The following EPC2 variants were observed in gnomAD, a reference collection of about 807,000 sequenced individuals.
The protein encoded by EPC2 is enhancer of polycomb homolog 2.
A neutral mutation model predicts 92.1 loss-of-function variants in EPC2; 14 were observed. The ratio of observed to expected loss-of-function variants is 0.15; its 90% CI spans 0.10 to 0.24. The LOEUF (loss-of-function observed/expected upper bound fraction) is 0.24. Ranked by LOEUF, EPC2 falls within the 10% of genes least tolerant of loss-of-function variation. The pLI, the probability that EPC2 is intolerant of heterozygous loss-of-function variation, is 1.00. For synonymous variants in EPC2, 340 were observed against 334.7 expected (o/e 1.02, Z -0.17); for missense variants, 755 against 971.5 (o/e 0.78, Z 2.96).
intron 1 of EPC2, 36 bp downstream of exon 1, chr2:148,645,206 C>CCTCCCCCCTCCCCTT: frequency 1.4e-6 from 2 of 1,476,038 alleles, no homozygotes; most frequent in Non-Finnish European, 1.8e-6. Flanking sequence ...CCCCTTCCCT[C>CCTCCCCCCTCCCCTT]CTCCCCCCTC....
chr2:148,691,706 C>G, intron 2 of EPC2: 2 of 1,270,516 alleles, frequency 1.6e-6, no homozygotes, highest in South Asian at 1.3e-5. Context: ...ACAGTATTAG[C>G]TTTAATTTAG....
At chr2:148,717,179 T>A (rs1345811269) in intron 2 of EPC2, among the ~76,000 whole-genome samples, 1 of 148,592 alleles carries the variant, frequency 6.7e-6, no homozygotes, top group East Asian at 2.0e-4. Flanking sequence ...AAAAAACAAC[T>A]CCTGGATTCA....
chr2:148,686,712 G>A (rs139315759), intron 1 of EPC2, among the ~76,000 whole-genome samples: 95 of 152,276 alleles, frequency 6.2e-4, no homozygotes, highest in Non-Finnish European at 9.9e-4. Context: ...CTTGTTCATC[G>A]CCATCAGACT....
At chr2:148,669,112 G>T (rs930716100) in intron 1 of EPC2, among the ~76,000 whole-genome samples, 3 of 151,972 alleles carry the variant, frequency 2.0e-5, no homozygotes, top group Non-Finnish European at 4.4e-5. Context: ...TGAGCCATAG[G>T]TTATTTAGAA....
chr2:148,649,316 G>C (rs965606063), intron 1 of EPC2, among the ~76,000 whole-genome samples: 14 of 152,140 alleles, frequency 9.2e-5, no homozygotes, highest in Non-Finnish European at 1.9e-4. Context: ...CAACATTGGA[G>C]AAGTTCCCTT....
chr2:148,670,923 A>C (rs528557461), intron 1 of EPC2, among the ~76,000 whole-genome samples: 1 of 152,248 alleles, frequency 6.6e-6, no homozygotes, highest in African/African-American at 2.4e-5. Flanking sequence ...TAGGCTAAGC[A>C]GTCTTCCTTT....
chr2:148,672,860 C>G (rs1037031402), intron 1 of EPC2, among the ~76,000 whole-genome samples: 3 of 152,224 alleles, frequency 2.0e-5, no homozygotes, highest in African/African-American at 7.2e-5. Context: ...CTCCCTTTAG[C>G]AATTTTTATA....
intron 2 of EPC2, among the ~76,000 whole-genome samples, chr2:148,700,760 AT>A (rs1187358879): frequency 3.6e-5 from 5 of 137,418 alleles, no homozygotes; most frequent in African/African-American, 1.4e-4. Flanking sequence ...TTACTCTTGT[AT>A]TGGCTCTTTG....
intron 7 of EPC2, among the ~76,000 whole-genome samples, chr2:148,766,683 A>G (rs1299075546): frequency 1.3e-5 from 2 of 152,240 alleles, no homozygotes; most frequent in Non-Finnish European, 2.9e-5. Context: ...CACAAAACAT[A>G]GAAGAGGAAG....
chr2:148,689,500 C>T (rs577210513), intron 1 of EPC2, among the ~76,000 whole-genome samples: 2 of 152,144 alleles, frequency 1.3e-5, no homozygotes, highest in African/African-American at 4.8e-5. Flanking sequence ...AACCTTTACT[C>T]TGAATAGGAT....
chr2:148,785,327 C>T (rs1032020744), intron 13 of EPC2, among the ~76,000 whole-genome samples: 1 of 152,070 alleles, frequency 6.6e-6, no homozygotes, highest in African/African-American at 2.4e-5. Context: ...CTCTTCCCCC[C>T]ACTGCCCGCC....
chr2:148,658,607 G>GTGTGTATATA (rs1168257662), intron 1 of EPC2, among the ~76,000 whole-genome samples: 3 of 141,262 alleles, frequency 2.1e-5, no homozygotes, highest in South Asian at 2.4e-4. Context: ...GTGTGTGTGT[G>GTGTGTATATA]TATATATATA....
intron 2 of EPC2, among the ~76,000 whole-genome samples, chr2:148,738,096 GTT>G (rs920461236): frequency 7.2e-5 from 11 of 151,972 alleles, no homozygotes; most frequent in African/African-American, 2.4e-4. Context: ...CTTTGTTTCT[GTT>G]ACCCGTAAAG....
intron 1 of EPC2, among the ~76,000 whole-genome samples, chr2:148,669,738 T>C (rs1447850601): frequency 1.2e-4 from 18 of 152,220 alleles, no homozygotes; most frequent in Non-Finnish European, 5.9e-5. Flanking sequence ...AATAGTTTGA[T>C]ACCTTTAGGT....
chr2:148,775,521 A>G (rs1335372761), intron 10 of EPC2, among the ~76,000 whole-genome samples: 2 of 151,704 alleles, frequency 1.3e-5, no homozygotes, highest in African/African-American at 4.8e-5. Context: ...TTAACATAAT[A>G]CTTTTTTCTT....
chr2:148,666,250 C>G (rs1681053601), intron 1 of EPC2, among the ~76,000 whole-genome samples: 1 of 152,168 alleles, frequency 6.6e-6, no homozygotes, highest in African/African-American at 2.4e-5. Flanking sequence ...AAGCCATCTT[C>G]CTGCCTCAGC....
chr2:148,702,736 C>A (rs1433989332), intron 2 of EPC2, among the ~76,000 whole-genome samples: 2 of 152,160 alleles, frequency 1.3e-5, no homozygotes, highest in African/African-American at 4.8e-5. Context: ...GAGATGAAGC[C>A]CTAAGTCAGG....
At chr2:148,682,088 A>G (rs1160642880) in intron 1 of EPC2, among the ~76,000 whole-genome samples, 4 of 152,190 alleles carry the variant, frequency 2.6e-5, no homozygotes, top group Admixed American at 1.3e-4. Context: ...TCTGTGGTGT[A>G]TATGTGCCAC....
intron 1 of EPC2, among the ~76,000 whole-genome samples, chr2:148,660,172 A>C (rs1395144946): frequency 6.6e-6 from 1 of 152,140 alleles, no homozygotes; most frequent in African/African-American, 2.4e-5. Flanking sequence ...ATATATTTGT[A>C]TGTGAATAGG....
Sources: gnomAD v4.1 joint callset for allele counts (sites outside exome capture counted in the v4.1 genomes callset) on GRCh38, gnomAD v4.1.1 for gene constraint, MANE v1.5 for transcripts, NCBI Gene and HGNC (gene_info 2026-07-23, HGNC 2026-07-21) for gene names.